The following OTOGL variants were observed in gnomAD, a reference collection of about 807,000 sequenced individuals.
OTOGL encodes the protein otogelin like.
A neutral mutation model predicts 318.5 loss-of-function variants in OTOGL; 285 were observed. That is an observed-to-expected ratio of 0.89 (90% CI 0.81 to 0.99). The LOEUF (loss-of-function observed/expected upper bound fraction) is 0.99, where lower values mean the gene tolerates loss of function less well. OTOGL is among the 50% of genes least tolerant of loss of function. The pLI, the probability that OTOGL is intolerant of heterozygous loss-of-function variation, is 0.00. For synonymous variants in OTOGL, 987 were observed against 936.5 expected, an observed-to-expected ratio of 1.05 and a Z score of -0.99; for missense variants, 2,899 against 2,845.6, an observed-to-expected ratio of 1.02 and a Z score of -0.43.
intron 7 of OTOGL, among the ~76,000 whole-genome samples, chr12:80,222,621 G>C (rs1321417023): frequency 6.6e-6 from 1 of 152,142 alleles, no homozygotes. Flanking sequence ...CAGAATTCTT[G>C]ATTCAAATGA....
Position 80,356,857 on chromosome 12 carries a change from G to T in OTOGL, c.5962G>T (p.Asp1988Tyr). ...PSISTPECRE[D>Y]QFMIQVRQEE... is the part of the protein sequence containing the mutation. ...TATTTCAACACCAGAATGCAGAGAA[G>T]ATCAATTCATGATTCAAGTTCGACA... is the stretch of plus-strand genomic sequence containing the variant. Residue 1988 changes from aspartate to tyrosine, a missense_variant, in exon 49 of 59, where the codon GAT (aspartate) becomes TAT (tyrosine). By Grantham distance (160) the Asp-to-Tyr change is radical. This residue lies in a region of OTOGL where 2,607 missense variants were observed against 2,524.9 expected (regional missense o/e 1.03). Coordinates refer to ENST00000547103, the MANE Select transcript of OTOGL (RefSeq NM_001378609.3). 1 of 1,600,184 alleles carries T rather than the reference G, an allele frequency of 6.2e-7. No individual in the cohort carries two copies. Among genetic ancestry groups the T allele is most frequent in the Non-Finnish European group, 8.5e-7 (1 of 1,173,044 alleles).
chr12:80,337,142 T>A lies in OTOGL; in HGVS notation c.4860+138T>A, dbSNP rs573660402. 7.4e-6 allele frequency: 5 copies of A among 674,308 alleles called. No individual in the cohort carries two copies. In the Admixed American group the frequency reaches 1.2e-4, roughly 16 times the overall value. 41.8% of individuals were successfully genotyped at this position (674,308 alleles called of 1,614,324 possible). ...TATAGTAATCATTTCATAGACAATA[T>A]AAAATGTGTTTCTTAATATTATATT... On this transcript the variant is annotated intron_variant, in intron 42 of 58. Coordinates refer to ENST00000547103, the MANE Select transcript of OTOGL (RefSeq NM_001378609.3).
intron 44 of OTOGL, among the ~76,000 whole-genome samples, chr12:80,346,102 A>G (rs1889180602): frequency 6.6e-6 from 1 of 152,218 alleles, no homozygotes; most frequent in African/African-American, 2.4e-5. Flanking sequence ...AATGAATGCA[A>G]TACCAAAGTG....
intron 1 of OTOGL, among the ~76,000 whole-genome samples, chr12:80,199,356 G>T (rs1020014213): frequency 6.6e-6 from 1 of 152,170 alleles, no homozygotes; most frequent in African/African-American, 2.4e-5. Flanking sequence ...AGACCTTCTA[G>T]ATCCTCCCCT....
chr12:80,251,606 T>C, intron 11 of OTOGL, 87 bp from the exon 12 acceptor site: 1 of 963,676 alleles, frequency 1.0e-6, no homozygotes. Context: ...CATCATGCAC[T>C]CAGCATTTCT....
At chr12:80,307,124 G>T (rs1316686292) in intron 29 of OTOGL, among the ~76,000 whole-genome samples, 1 of 150,732 alleles carries the variant, frequency 6.6e-6, no homozygotes, top group African/African-American at 2.5e-5. Context: ...AGGGTTGGGG[G>T]TAAGGTCACC....
Position 80,318,587 on chromosome 12 carries a change from A to G in OTOGL, c.3676A>G (p.Ser1226Gly). 2 of 1,433,000 alleles carry G rather than the reference A, an allele frequency of 1.4e-6. No homozygotes were observed. The highest frequency in any genetic ancestry group is 1.5e-5 in the African/African-American group (1 of 67,474). The allele number at this position is 1,433,000 out of a possible 1,614,324, so 88.8% of individuals were successfully genotyped here. A position where few individuals can be genotyped will look rare whatever the true frequency, so the allele number is the denominator to read the frequency against. Reference sequence around the variant, plus strand: ...ATATATGCTGGCAAGCTATGGGCAGAGTGGCCTTGTTCTGGGGGCCAATAT... The same window carrying G: ...ATATATGCTGGCAAGCTATGGGCAGGGTGGCCTTGTTCTGGGGGCCAATAT... ...GPYMLASYGQ[S>G]GLVLGANMTS... The change falls in exon 33 of 59, where the codon AGT becomes GGT. Residue 1226 changes from serine (S) to glycine (G), a missense_variant. Coordinates refer to ENST00000547103, the MANE Select transcript of OTOGL (RefSeq NM_001378609.3).
chr12:80,244,309 A>AT (rs374276523), intron 11 of OTOGL, among the ~76,000 whole-genome samples: 24 of 125,556 alleles, frequency 1.9e-4, no homozygotes, highest in African/African-American at 7.1e-4. Context: ...TCCCAATGCT[A>AT]TCCCTCCCCC....
intron 1 of OTOGL, among the ~76,000 whole-genome samples, chr12:80,167,991 C>T (rs2137208848): frequency 6.6e-6 from 1 of 151,888 alleles, no homozygotes; most frequent in East Asian, 1.9e-4. Context: ...CTCCTCTCTT[C>T]TCTTCTCTTC....
chr12:80,130,553 T>G (rs1184532944), intron 1 of OTOGL, among the ~76,000 whole-genome samples: 1 of 152,132 alleles, frequency 6.6e-6, no homozygotes, highest in African/African-American at 2.4e-5. Context: ...GAAATGGAAG[T>G]CAGGGGACTA....
intron 14 of OTOGL, among the ~76,000 whole-genome samples, chr12:80,254,152 C>A (rs753934824): frequency 2.6e-5 from 4 of 152,012 alleles, no homozygotes; most frequent in Non-Finnish European, 4.4e-5. Context: ...TGCTTTTGTC[C>A]TCTAAAACTC....
At chr12:80,312,129 G>C (rs1035952243) in intron 30 of OTOGL, among the ~76,000 whole-genome samples, 3 of 152,122 alleles carry the variant, frequency 2.0e-5, no homozygotes, top group Admixed American at 2.0e-4. Flanking sequence ...TATTTTTTGA[G>C]TTTTGATATA....
chr12:80,254,967 A>C, intron 15 of OTOGL, 73 bp from the exon 16 acceptor site: 15 of 1,196,320 alleles, frequency 1.3e-5, no homozygotes, highest in South Asian at 4.3e-5. Context: ...ACCTAATGGT[A>C]TCATCCTCCT....
At position 80,252,212 on chromosome 12, in the gene OTOGL, C is replaced by A; in HGVS notation, c.1285+11C>A. The A allele has an allele frequency of 6.3e-7, 1 of 1,594,994 alleles. No individual in the cohort carries two copies. The highest frequency in any genetic ancestry group is 1.1e-5 in the South Asian group (1 of 87,472). On this transcript the variant is annotated intron_variant, in intron 13 of 58. Coordinates refer to ENST00000547103, the MANE Select transcript of OTOGL (RefSeq NM_001378609.3). The stretch of plus-strand genomic sequence containing the variant: ...GTTACTGCCCAGATGGTAAGTGCTT[C>A]ATGAAGAAACCATGTCTGCACTCAT...
chr12:80,270,047 A>G (rs979205015), intron 22 of OTOGL, 55 bp from the exon 23 acceptor site: 201 of 537,386 alleles, frequency 3.7e-4, no homozygotes, highest in South Asian at 1.8e-3. Context: ...AATTCAGGGA[A>G]AAAAAAAAAA....
intron 44 of OTOGL, chr12:80,343,531 T>TTTTAAC (rs1888963659): frequency 7.8e-6 from 1 of 128,584 alleles, no homozygotes; most frequent in African/African-American, 3.2e-5. Flanking sequence ...TTTTTTTTTT[T>TTTTAAC]TTTTTAACTT....
At chr12:80,225,170 G>A (rs1360067357) in intron 7 of OTOGL, among the ~76,000 whole-genome samples, 1 of 151,980 alleles carries the variant, frequency 6.6e-6, no homozygotes, top group Non-Finnish European at 1.5e-5. Context: ...TTTAGATAGG[G>A]CAGTTGGTGA....
intron 1 of OTOGL, among the ~76,000 whole-genome samples, chr12:80,191,843 G>T (rs1288619401): frequency 6.6e-6 from 1 of 152,140 alleles, no homozygotes; most frequent in East Asian, 1.9e-4. Flanking sequence ...GGCAAGAGAG[G>T]AACTAGAGAC....
intron 11 of OTOGL, among the ~76,000 whole-genome samples, chr12:80,241,909 C>T (rs900564713): frequency 1.3e-5 from 2 of 152,042 alleles, no homozygotes; most frequent in African/African-American, 4.8e-5. Flanking sequence ...ACTGCATCAC[C>T]ACTATCATGT....
Sources: allele counts gnomAD v4.1 joint callset (sites outside exome capture counted in the v4.1 genomes callset), GRCh38; gene constraint gnomAD v4.1.1; regional missense constraint gnomAD v4.1.1; transcripts MANE v1.5; gene names NCBI Gene and HGNC (gene_info 2026-07-23, HGNC 2026-07-21).